PSMD1: variants seen among roughly 807,000 people sequenced by gnomAD.
The protein encoded by PSMD1 is proteasome 26S subunit, non-ATPase 1.
A neutral mutation model predicts 119.0 loss-of-function variants in PSMD1; 18 were observed. That is an observed-to-expected ratio of 0.15 (90% CI 0.10 to 0.22). PSMD1 has a LOEUF of 0.22. Among genes scored for constraint, PSMD1 ranks in the 10% least tolerant of loss-of-function variants. The probability of loss-of-function intolerance (pLI) is 1.00; values close to 1 mark genes in which losing one functional copy is unlikely to be tolerated. For synonymous variants in PSMD1, 374 were observed against 396.6 expected, an observed-to-expected ratio of 0.94 and a Z score of 0.68; for missense variants, 702 against 1,158.5, an observed-to-expected ratio of 0.61 and a Z score of 5.72.
chr2:231,078,325 C>G (rs1237973457), intron 9 of PSMD1, among the ~76,000 whole-genome samples: 1 of 152,128 alleles, frequency 6.6e-6, no homozygotes, highest in Non-Finnish European at 1.5e-5. Flanking sequence ...CACTGCTCCT[C>G]AGGTTATCTC....
chr2:231,146,122 C>A, intron 17 of PSMD1, 118 bp from the exon 18 acceptor site: 1 of 656,472 alleles, frequency 1.5e-6, no homozygotes, highest in Non-Finnish European at 2.7e-6. Context: ...ATGGGACTAC[C>A]ATCATATATG....
rs1695814628 is a variant in PSMD1, at chr2:231,129,885, ACT to A, written c.1884-8848_1884-8847del. Among the ~76,000 whole-genome samples, 6 of 152,216 alleles carry A rather than the reference ACT, an allele frequency of 3.9e-5. No individual in the cohort carries two copies. The South Asian group carries it at 1.0e-3, about 26-fold the overall frequency. ...TTGTTTGTTTTCGAGACGGAGTCTCACTCTGTCACCCAGGCTGGAGTGCAGTG... is the reference window on the plus strand; with the variant it reads ...TTGTTTGTTTTCGAGACGGAGTCTCACTGTCACCCAGGCTGGAGTGCAGTG... On this transcript the variant is annotated intron_variant, in intron 16 of 24. Coordinates refer to ENST00000308696, the MANE Select transcript of PSMD1 (RefSeq NM_002807.4).
At chr2:231,151,405 T>C (rs1204645229) in intron 18 of PSMD1, among the ~76,000 whole-genome samples, 1 of 152,158 alleles carries the variant, frequency 6.6e-6, no homozygotes, top group Non-Finnish European at 1.5e-5. Flanking sequence ...AATAATTCTT[T>C]ACCAAGAATT....
intron 19 of PSMD1, among the ~76,000 whole-genome samples, chr2:231,161,018 C>G (rs140545969): frequency 1.3e-5 from 2 of 152,218 alleles, no homozygotes; most frequent in African/African-American, 4.8e-5. Flanking sequence ...TGAGACTAGC[C>G]TGGGCAACAT....
In PSMD1 at chr2:231,080,303, G is replaced by A. The variant is rs369229316; in HGVS notation, c.1402G>A (p.Ala468Thr). 1.3e-4 allele frequency: 203 copies of A among 1,600,128 alleles called. No homozygotes were observed. Among genetic ancestry groups the A allele is most frequent in the Middle Eastern group, 3.3e-4 (2 of 6,004 alleles). Residue 468 changes from alanine to threonine, a missense_variant, in exon 12 of 25, where the codon GCC becomes ACC. Coordinates refer to ENST00000308696, the MANE Select transcript of PSMD1 (RefSeq NM_002807.4). ...CTATCTGCTTAATCAGCTTAAGAAC[G>A]CCAGCAATGATGTAAGTATTAAAAT... is the stretch of plus-strand genomic sequence containing the variant. ...IDYLLNQLKN[A>T]SNDIVRHGGS...
intron 19 of PSMD1, among the ~76,000 whole-genome samples, chr2:231,158,074 G>GC (rs1013387742): frequency 1.3e-5 from 2 of 152,024 alleles, no homozygotes; most frequent in African/African-American, 4.8e-5. Context: ...ATTTTGGGAG[G>GC]CCGAGGTGGG....
intron 16 of PSMD1, among the ~76,000 whole-genome samples, chr2:231,095,777 C>T (rs1214315563): frequency 6.6e-6 from 1 of 152,176 alleles, no homozygotes. Flanking sequence ...GAAGGGAGGC[C>T]CTGTTGAGGC....
chr2:231,157,819 G>A (rs927353060), intron 19 of PSMD1, among the ~76,000 whole-genome samples: 18 of 151,808 alleles, frequency 1.2e-4, no homozygotes, highest in Non-Finnish European at 7.4e-5. Flanking sequence ...CACCCACCTC[G>A]GCCTCCCAAA....
intron 16 of PSMD1, among the ~76,000 whole-genome samples, chr2:231,117,872 GA>G (rs557874047): frequency 4.6e-5 from 7 of 152,214 alleles, no homozygotes; most frequent in Non-Finnish European, 7.4e-5. Flanking sequence ...CCCTAGGGGG[GA>G]AAAAATTCTG....
chr2:231,155,251 A>G (rs540360640), intron 19 of PSMD1, among the ~76,000 whole-genome samples: 3 of 152,216 alleles, frequency 2.0e-5, no homozygotes, highest in South Asian at 4.1e-4. Flanking sequence ...TTTCACATTT[A>G]TTAGCCATTG....
At chr2:231,058,519 C>T (rs1182032797) in intron 1 of PSMD1, among the ~76,000 whole-genome samples, 2 of 143,038 alleles carry the variant, frequency 1.4e-5, no homozygotes, top group African/African-American at 5.5e-5. Context: ...TATATACAAA[C>T]CTTTTTTTTT....
intron 24 of PSMD1, among the ~76,000 whole-genome samples, chr2:231,171,021 T>C (rs894068756): frequency 6.6e-6 from 1 of 152,240 alleles, no homozygotes; most frequent in Non-Finnish European, 1.5e-5. Context: ...AACGCTTCTT[T>C]CATCAAGAAA....
At chr2:231,140,909 C>T (rs1696091508) in intron 17 of PSMD1, among the ~76,000 whole-genome samples, 1 of 152,104 alleles carries the variant, frequency 6.6e-6, no homozygotes, top group South Asian at 2.1e-4. Context: ...TGGCTTACAC[C>T]TGTAATCCCA....
intron 13 of PSMD1, 62 bp from the exon 14 acceptor site, chr2:231,083,505 T>A (rs1694363716): frequency 6.5e-7 from 1 of 1,542,834 alleles, no homozygotes; most frequent in Non-Finnish European, 8.9e-7. Context: ...TACTTTCAGT[T>A]GGATGTTTTA....
chr2:231,080,363 A>T (rs774738168), intron 12 of PSMD1, 49 bp downstream of exon 12: 3 of 1,429,236 alleles, frequency 2.1e-6, no homozygotes, highest in East Asian at 2.5e-5. Context: ...AGAATCCAGG[A>T]TAACATATTT....
intron 19 of PSMD1, among the ~76,000 whole-genome samples, chr2:231,155,370 ATTAATTTGATAACT>A (rs1055725642): frequency 6.6e-6 from 1 of 152,168 alleles, no homozygotes; most frequent in Non-Finnish European, 1.5e-5. Flanking sequence ...AGAAGCTGCT[ATTAATTTGATAACT>A]GTCATAAATT....
chr2:231,066,826 T>C, intron 4 of PSMD1, 80 bp from the exon 5 acceptor site: 4 of 1,152,550 alleles, frequency 3.5e-6, no homozygotes, highest in Non-Finnish European at 4.8e-6. Context: ...TAAGTATATA[T>C]GATTATAAAT....
At chr2:231,167,629 A>AT (rs1432793295) in intron 23 of PSMD1, among the ~76,000 whole-genome samples, 1 of 152,232 alleles carries the variant, frequency 6.6e-6, no homozygotes, top group Admixed American at 6.5e-5. Flanking sequence ...GTTTAAGGAA[A>AT]TTCCTGTCCA....
intron 16 of PSMD1, chr2:231,123,479 A>G (rs1695619614): frequency 6.2e-7 from 1 of 1,613,978 alleles, no homozygotes; most frequent in Non-Finnish European, 8.5e-7. Flanking sequence ...GCCACCGCCA[A>G]GGACATTAGA....
Sources: allele counts gnomAD v4.1 joint callset (sites outside exome capture counted in the v4.1 genomes callset), GRCh38; gene constraint gnomAD v4.1.1; transcripts MANE v1.5; gene names NCBI Gene and HGNC (gene_info 2026-07-23, HGNC 2026-07-21).